The following ROBO2 variants were observed in gnomAD, a reference collection of about 807,000 sequenced individuals.
ROBO2 encodes roundabout guidance receptor 2, also known as roundabout homolog 2.
Under a neutral mutation model 160.8 loss-of-function variants are expected in ROBO2, and 53 were observed. That is an observed-to-expected ratio of 0.33 (90% CI 0.26 to 0.41). The LOEUF (loss-of-function observed/expected upper bound fraction) is 0.41. Ranked by LOEUF, ROBO2 falls within the 10% of genes least tolerant of loss-of-function variation. The pLI, the probability that ROBO2 is intolerant of heterozygous loss-of-function variation, is 1.00. For missense variants in ROBO2, 1,577 were observed against 1,722.4 expected, an observed-to-expected ratio of 0.92 and a Z score of 1.49; for synonymous variants, 664 against 611.7, an observed-to-expected ratio of 1.09 and a Z score of -1.26.
chr3:77,543,565 A>C (rs1276762399), intron 6 of ROBO2, among the ~76,000 whole-genome samples: 2 of 152,208 alleles, frequency 1.3e-5, no homozygotes, highest in Non-Finnish European at 2.9e-5. Flanking sequence ...AAGTTTGAAA[A>C]TTAAATTCTT....
intron 2 of ROBO2, among the ~76,000 whole-genome samples, chr3:76,872,026 A>G (rs1044425904): frequency 6.6e-6 from 1 of 152,090 alleles, no homozygotes; most frequent in African/African-American, 2.4e-5. Flanking sequence ...ACACCTGGAG[A>G]TTTGTCATAA....
rs532639474 is a variant in ROBO2 at position 76,227,017 on chromosome 3, G to A, written c.109+289415G>A. On this transcript the variant is annotated intron_variant, in intron 2 of 26. Coordinates refer to the ROBO2 transcript ENST00000487694. ...GAACAAGAAGAGATGACGGGGCCTG[G>A]GTGTTGGCATTCACCAGCATTGCCA... is the stretch of plus-strand genomic sequence containing the variant. 4.6e-5 allele frequency among the ~76,000 whole-genome samples: 7 copies of A among 152,260 alleles called. No homozygotes were observed. The South Asian group carries it at 1.5e-3, about 32-fold the overall frequency.
intron 1 of ROBO2, among the ~76,000 whole-genome samples, chr3:77,055,836 A>T (rs1235856347): frequency 6.6e-6 from 1 of 152,222 alleles, no homozygotes; most frequent in African/African-American, 2.4e-5. Context: ...TTAAAAGTAA[A>T]ATTAACCAAA....
At chr3:76,880,018 G>C (rs2073172490) in intron 2 of ROBO2, among the ~76,000 whole-genome samples, 1 of 152,052 alleles carries the variant, frequency 6.6e-6, no homozygotes, top group African/African-American at 2.4e-5. Flanking sequence ...TTTAGGGCTT[G>C]GGTTTTACAT....
intron 24 of ROBO2, among the ~76,000 whole-genome samples, chr3:77,638,186 T>C (rs1307060367): frequency 1.3e-5 from 2 of 152,240 alleles, no homozygotes; most frequent in Non-Finnish European, 2.9e-5. Context: ...TATGGATCCA[T>C]ATGTCAGAAA....
At chr3:75,924,691 T>TC (rs934202144) in intron 1 of ROBO2, among the ~76,000 whole-genome samples, 3 of 119,338 alleles carry the variant, frequency 2.5e-5, no homozygotes, top group African/African-American at 9.5e-5. Flanking sequence ...CTTTTTTTTT[T>TC]TTTTTTTTTT....
intron 2 of ROBO2, among the ~76,000 whole-genome samples, chr3:77,319,643 C>A (rs2064457818): frequency 6.6e-6 from 1 of 152,136 alleles, no homozygotes; most frequent in Non-Finnish European, 1.5e-5. Context: ...GCTTTTGTAT[C>A]TTTTTCCATT....
intron 2 of ROBO2, among the ~76,000 whole-genome samples, chr3:76,756,792 G>A (rs2060998750): frequency 1.3e-5 from 2 of 151,866 alleles, no homozygotes; most frequent in Non-Finnish European, 2.9e-5. Context: ...TCTACAGGAA[G>A]ACACGCCCTG....
intron 2 of ROBO2, among the ~76,000 whole-genome samples, chr3:76,983,174 A>G (rs2060187985): frequency 6.6e-6 from 1 of 151,958 alleles, no homozygotes; most frequent in Admixed American, 6.6e-5. Context: ...AATTCCACCT[A>G]CTCAGGAGGC....
At chr3:77,605,156 C>A (rs1036236967) in intron 20 of ROBO2, among the ~76,000 whole-genome samples, 1 of 143,498 alleles carries the variant, frequency 7.0e-6, no homozygotes, top group African/African-American at 2.6e-5. Flanking sequence ...AGACTGAGAC[C>A]CTGTCTCAAG....
At chr3:77,249,140 C>T (rs986050782) in intron 2 of ROBO2, among the ~76,000 whole-genome samples, 5 of 152,110 alleles carry the variant, frequency 3.3e-5, no homozygotes, top group East Asian at 1.9e-4. Flanking sequence ...CGTGAGCCAC[C>T]GCCCCTGCCC....
intron 2 of ROBO2, among the ~76,000 whole-genome samples, chr3:76,563,252 T>C (rs1303857133): frequency 1.3e-5 from 2 of 152,194 alleles, no homozygotes; most frequent in Non-Finnish European, 2.9e-5. Context: ...ACATCATTTC[T>C]TCTTTAAGTG....
intron 2 of ROBO2, among the ~76,000 whole-genome samples, chr3:77,363,578 C>T (rs781601933): frequency 2.1e-4 from 32 of 151,804 alleles, no homozygotes; most frequent in Admixed American, 3.3e-4. Context: ...CTAAGTTTAG[C>T]GTAGAATGGA....
intron 2 of ROBO2, among the ~76,000 whole-genome samples, chr3:77,231,633 T>C (rs2087229678): frequency 6.7e-6 from 1 of 149,892 alleles, no homozygotes; most frequent in South Asian, 2.1e-4. Flanking sequence ...TTATTTTTTT[T>C]CCTTAAAATC....
intron 2 of ROBO2, among the ~76,000 whole-genome samples, chr3:76,674,195 C>T (rs2092344824): frequency 1.3e-5 from 2 of 152,064 alleles, no homozygotes; most frequent in South Asian, 2.1e-4. Flanking sequence ...TGGAGGGATA[C>T]ATCCAAAACT....
chr3:76,378,898 G>C (rs968716621), intron 2 of ROBO2, among the ~76,000 whole-genome samples: 14 of 152,200 alleles, frequency 9.2e-5, no homozygotes, highest in African/African-American at 3.4e-4. Flanking sequence ...AGAACTTGCA[G>C]CAAACGCTGC....
intron 2 of ROBO2, among the ~76,000 whole-genome samples, chr3:76,447,978 C>T (rs1209287237): frequency 1.3e-5 from 2 of 150,938 alleles, no homozygotes; most frequent in African/African-American, 4.9e-5. Context: ...ACCAACGTGG[C>T]ACATGTATAC....
chr3:76,670,336 T>A (rs1244345033), intron 2 of ROBO2, among the ~76,000 whole-genome samples: 3 of 149,382 alleles, frequency 2.0e-5, no homozygotes, highest in African/African-American at 7.4e-5. Context: ...TTTTTTTTCA[T>A]AGTAGTTTCT....
intron 2 of ROBO2, among the ~76,000 whole-genome samples, chr3:77,198,413 G>A (rs944164039): frequency 6.6e-6 from 1 of 152,118 alleles, no homozygotes; most frequent in African/African-American, 2.4e-5. Flanking sequence ...AGATGAAAAA[G>A]CAGTTGGCTG....
Sources: gnomAD v4.1 joint callset for allele counts (sites outside exome capture counted in the v4.1 genomes callset) on GRCh38, gnomAD v4.1.1 for gene constraint, MANE v1.5 for transcripts, NCBI Gene and HGNC (gene_info 2026-07-23, HGNC 2026-07-21) for gene names.